Variants in SFXN4 observed in about 807,000 individuals in gnomAD.
SFXN4 encodes sideroflexin 4, also known as sideroflexin-4.
A neutral mutation model predicts 54.6 loss-of-function variants in SFXN4; 48 were observed. The observed-to-expected ratio is 0.88, with a 90% confidence interval of 0.70 to 1.12. The LOEUF is 1.12. SFXN4 is among the 50% of genes most tolerant of loss of function. The pLI, the probability that SFXN4 is intolerant of heterozygous loss-of-function variation, is 0.00. For missense variants in SFXN4, 383 were observed against 409.2 expected, an observed-to-expected ratio of 0.94 and a Z score of 0.55; for synonymous variants, 130 against 145.5, an observed-to-expected ratio of 0.89 and a Z score of 0.77.
rs751472244 is a variant in SFXN4 at position 119,156,770 on chromosome 10, G to C, written c.538-14C>G. On this transcript the variant is annotated splice_polypyrimidine_tract_variant and intron_variant, in intron 9 of 13. Coordinates refer to ENST00000355697, the MANE Select transcript of SFXN4 (RefSeq NM_213649.2). ...CTGAGGGATTACCTAGAAAAGAAGA[G>C]AGAAAAATCATTATTTCATGGGACT... The C allele has an allele frequency of 6.3e-7, 1 of 1,591,380 alleles. No homozygotes were observed. Among genetic ancestry groups the C allele is most frequent in the Non-Finnish European group, 8.6e-7 (1 of 1,164,084 alleles).
chr10:119,142,954 A>C (rs533901517), intron 13 of SFXN4, among the ~76,000 whole-genome samples: 1 of 151,192 alleles, frequency 6.6e-6, no homozygotes, highest in Non-Finnish European at 1.5e-5. Context: ...GGATGGTCTC[A>C]ATCTCCTGAC....
At chr10:119,161,425 AAC>A (rs1164614861) in intron 3 of SFXN4, among the ~76,000 whole-genome samples, 6 of 124,708 alleles carry the variant, frequency 4.8e-5, no homozygotes, top group African/African-American at 1.1e-4. Flanking sequence ...CAACAACAAC[AAC>A]AAAAAAAAAC....
At position 119,157,737 on chromosome 10, in the gene SFXN4, AG is replaced by A. The variant is rs1432440543; in HGVS notation, c.472-5del. ...ATCTTTCTAGTGGCTTACAAGTCTA[AG>A]GAGAAACAAAAGTACTTAATTAGCA... is the stretch of plus-strand genomic sequence containing the variant. On this transcript the variant is annotated splice_polypyrimidine_tract_variant and splice_region_variant and intron_variant, in intron 8 of 13. Transcript: ENST00000355697. The A allele has an allele frequency of 5.0e-6, 8 of 1,609,074 alleles. No individual in the cohort carries two copies. Among genetic ancestry groups the A allele is most frequent in the Non-Finnish European group, 6.8e-6 (8 of 1,177,888 alleles).
chr10:119,148,139 T>G (rs1211483237), intron 11 of SFXN4, among the ~76,000 whole-genome samples: 1 of 152,048 alleles, frequency 6.6e-6, no homozygotes, highest in Admixed American at 6.6e-5. Flanking sequence ...GCCACTGCAC[T>G]CCAGATTGGG....
At chr10:119,147,664 G>A (rs1449672426) in intron 12 of SFXN4, 111 bp downstream of exon 12, 1 of 815,624 alleles carries the variant, frequency 1.2e-6, no homozygotes, top group East Asian at 2.5e-5. Flanking sequence ...GTGTTTATGG[G>A]AAGGTTACTG....
At chr10:119,161,507 A>G (rs1847537574) in intron 3 of SFXN4, among the ~76,000 whole-genome samples, 1 of 151,384 alleles carries the variant, frequency 6.6e-6, no homozygotes, top group South Asian at 2.1e-4. Flanking sequence ...CATTTCTGGG[A>G]CCACATTTGT....
At chr10:119,148,089 T>C (rs1382721324) in intron 11 of SFXN4, among the ~76,000 whole-genome samples, 1 of 152,066 alleles carries the variant, frequency 6.6e-6, no homozygotes, top group Non-Finnish European at 1.5e-5. Context: ...TGAGAATCAC[T>C]TGAACCTGAG....
At chr10:119,152,202 G>C (rs564626342) in intron 11 of SFXN4, among the ~76,000 whole-genome samples, 1 of 145,996 alleles carries the variant, frequency 6.8e-6, no homozygotes, top group African/African-American at 2.5e-5. Context: ...CCTCAATAAA[G>C]CTGTTTGAAA....
chr10:119,151,781 T>G (rs1206002789), intron 11 of SFXN4, among the ~76,000 whole-genome samples: 1 of 151,024 alleles, frequency 6.6e-6, no homozygotes, highest in Non-Finnish European at 1.5e-5. Flanking sequence ...CCCCTCAGAG[T>G]GCTGGGATTA....
intron 11 of SFXN4, among the ~76,000 whole-genome samples, chr10:119,152,217 G>C (rs995137790): frequency 9.5e-6 from 1 of 104,936 alleles, no homozygotes; most frequent in African/African-American, 3.5e-5. Flanking sequence ...TTGAAAAAAT[G>C]TCTCTTTCGG....
intron 13 of SFXN4, among the ~76,000 whole-genome samples, chr10:119,143,528 T>C (rs2133564861): frequency 6.6e-6 from 1 of 152,058 alleles, no homozygotes; most frequent in East Asian, 1.9e-4. Flanking sequence ...TTTAAACAAT[T>C]TTTTTCAGAA....
At chr10:119,164,279 T>TC in intron 1 of SFXN4, 83 bp from the exon 2 acceptor site, 1 of 877,118 alleles carries the variant, frequency 1.1e-6, no homozygotes, top group Non-Finnish European at 1.8e-6. Flanking sequence ...TTTTTTTTTT[T>TC]TTTTCTGAGA....
chr10:119,156,645 CCCAGACTGCAGCCT>C lies in SFXN4; in HGVS notation c.616+19_616+32del. On this transcript the variant is annotated intron_variant, in intron 10 of 13. Transcript: ENST00000355697. The stretch of plus-strand genomic sequence containing the variant: ...GCTCACAGACCACAAAGACACCCCA[CCCAGACTGCAGCCT>C]CCAGCCCTTCCTGCTCACCGAGGAA... The C allele has an allele frequency of 2.6e-6, 4 of 1,544,028 alleles. No homozygotes were observed. Among genetic ancestry groups the C allele is most frequent in the Non-Finnish European group, 3.6e-6 (4 of 1,123,324 alleles).
intron 11 of SFXN4, among the ~76,000 whole-genome samples, chr10:119,149,477 C>G (rs1011086094): frequency 2.0e-5 from 3 of 152,144 alleles, no homozygotes; most frequent in Non-Finnish European, 2.9e-5. Context: ...GGGCCGGGCA[C>G]GGTGGCTCAT....
At chr10:119,163,227 TTTC>T (rs201772972) in intron 2 of SFXN4, among the ~76,000 whole-genome samples, 1,980 of 138,960 alleles carry the variant, frequency 0.014, 46 homozygotes, top group East Asian at 0.08. Flanking sequence ...TTACATTTTC[TTTC>T]TTCTTTTTTT....
At chr10:119,160,838 G>A (rs1274572917) in intron 5 of SFXN4, 77 bp downstream of exon 5, 1 of 1,448,300 alleles carries the variant, frequency 6.9e-7, no homozygotes, top group Non-Finnish European at 9.7e-7. Flanking sequence ...GACCCCAGGT[G>A]ATCCGGCAGG....
chr10:119,142,726 ATTTTTT>A (rs573311460), intron 13 of SFXN4, among the ~76,000 whole-genome samples: 1,436 of 77,442 alleles, frequency 0.019, 35 homozygotes, highest in African/African-American at 0.067. Context: ...AATGTTTTGA[ATTTTTT>A]TTTTTTTTTT....
chr10:119,141,507 C>CTT lies in SFXN4; in HGVS notation c.937-190_937-189dup, dbSNP rs1234472904. Among the ~76,000 whole-genome samples, 2,396 of 113,312 alleles carry CTT rather than the reference C, an allele frequency of 0.021. 139 individuals carry two copies. Among genetic ancestry groups the CTT allele is most frequent in the African/African-American group, 0.072 (2,010 of 27,920 alleles). The allele number at this position is 113,312 out of a possible 152,430, so 74.3% of individuals were successfully genotyped here. A position where few individuals can be genotyped will look rare whatever the true frequency, so the allele number is the denominator to read the frequency against. On this transcript the variant is annotated intron_variant, in intron 13 of 13. Coordinates refer to ENST00000355697, the MANE Select transcript of SFXN4 (RefSeq NM_213649.2). ...CCAAGCAGTAAAGAAACTTCTTAAA[C>CTT]TTTTTTTTTTTTTTTTTTTTTGAGA...
At chr10:119,157,622 G>T in intron 9 of SFXN4, 46 bp downstream of exon 9, 1 of 1,420,662 alleles carries the variant, frequency 7.0e-7, no homozygotes, top group South Asian at 1.3e-5. Context: ...AAACTTCCTG[G>T]ATTCTGAGGA....
Sources: gnomAD v4.1 joint callset for allele counts (sites outside exome capture counted in the v4.1 genomes callset) on GRCh38, gnomAD v4.1.1 for gene constraint, MANE v1.5 for transcripts, NCBI Gene and HGNC (gene_info 2026-07-23, HGNC 2026-07-21) for gene names.